Variants in CPA6 observed in about 807,000 individuals in gnomAD.
CPA6 encodes the protein carboxypeptidase A6.
Under a neutral mutation model 63.3 loss-of-function variants are expected in CPA6, and 58 were observed. That is an observed-to-expected ratio of 0.92 (90% confidence interval 0.74 to 1.14). CPA6 has a LOEUF of 1.14. CPA6 is among the 50% of genes most tolerant of loss of function. The pLI, the probability that CPA6 is intolerant of heterozygous loss-of-function variation, is 0.00. For synonymous variants in CPA6, 185 were observed against 179.0 expected (o/e 1.03, Z -0.27); for missense variants, 565 against 526.6 (o/e 1.07, Z -0.71).
intron 6 of CPA6, among the ~76,000 whole-genome samples, chr8:67,503,468 A>ATTTTT (rs869172205): frequency 1.6e-5 from 2 of 126,022 alleles, no homozygotes; most frequent in African/African-American, 6.3e-5. Flanking sequence ...AGCTAATTAA[A>ATTTTT]TTTTTTTTTT....
intron 1 of CPA6, among the ~76,000 whole-genome samples, chr8:67,706,276 G>A (rs1563401198): frequency 6.6e-6 from 1 of 152,190 alleles, no homozygotes; most frequent in African/African-American, 2.4e-5. Context: ...TCCCCAAGCC[G>A]TGCTGGTAAA....
chr8:67,461,800 G>C (rs984192497), intron 8 of CPA6, among the ~76,000 whole-genome samples: 1 of 152,124 alleles, frequency 6.6e-6, no homozygotes, highest in African/African-American at 2.4e-5. Context: ...CGGACGGGGC[G>C]GCTGGCCGGG....
intron 1 of CPA6, among the ~76,000 whole-genome samples, chr8:67,638,907 T>C (rs1815528263): frequency 6.6e-6 from 1 of 151,516 alleles, no homozygotes; most frequent in African/African-American, 2.5e-5. Flanking sequence ...TAGCCTGTGA[T>C]GTGCCCTGCC....
chr8:67,676,726 G>GTGGT (rs1816482296), intron 1 of CPA6, among the ~76,000 whole-genome samples: 1 of 152,176 alleles, frequency 6.6e-6, no homozygotes, highest in Non-Finnish European at 1.5e-5. Flanking sequence ...ATAGTAAAAG[G>GTGGT]AAGAAGTTTA....
intron 9 of CPA6, among the ~76,000 whole-genome samples, chr8:67,428,978 T>C (rs1312721089): frequency 2.6e-5 from 4 of 152,196 alleles, no homozygotes; most frequent in Non-Finnish European, 5.9e-5. Flanking sequence ...TAAGTATATA[T>C]TTCACTGGGT....
chr8:67,461,922 A>G (rs370672587), intron 8 of CPA6, among the ~76,000 whole-genome samples: 1 of 152,130 alleles, frequency 6.6e-6, no homozygotes, highest in Non-Finnish European at 1.5e-5. Context: ...ATTAAGCTGA[A>G]TAACAAAAGC....
chr8:67,628,837 C>T (rs982449970), intron 1 of CPA6, among the ~76,000 whole-genome samples: 39 of 152,188 alleles, frequency 2.6e-4, no homozygotes, highest in African/African-American at 9.2e-4. Context: ...AATCACCAGG[C>T]CGTGTGCAGT....
At chr8:67,548,167 T>A (rs1264853757) in intron 2 of CPA6, among the ~76,000 whole-genome samples, 14 of 123,788 alleles carry the variant, frequency 1.1e-4, no homozygotes, top group South Asian at 6.2e-4. Flanking sequence ...CTTCCTTTCC[T>A]TCCTTCCTTT....
chr8:67,656,891 A>C (rs1014173770), intron 1 of CPA6, among the ~76,000 whole-genome samples: 1 of 152,194 alleles, frequency 6.6e-6, no homozygotes, highest in African/African-American at 2.4e-5. Flanking sequence ...GGATCTAGGC[A>C]AAGTATTTCC....
intron 8 of CPA6, among the ~76,000 whole-genome samples, chr8:67,442,589 C>T (rs1405707815): frequency 6.6e-6 from 1 of 152,144 alleles, no homozygotes; most frequent in African/African-American, 2.4e-5. Flanking sequence ...TAAGGTTCAA[C>T]ATAAAACGTG....
intron 2 of CPA6, among the ~76,000 whole-genome samples, chr8:67,610,061 A>G (rs973173225): frequency 4.7e-5 from 7 of 147,800 alleles, no homozygotes; most frequent in Admixed American, 4.0e-4. Flanking sequence ...AAACAAAACA[A>G]AAACCCCCCA....
At chr8:67,676,805 G>C (rs1816484224) in intron 1 of CPA6, among the ~76,000 whole-genome samples, 1 of 152,122 alleles carries the variant, frequency 6.6e-6, no homozygotes, top group South Asian at 2.1e-4. Flanking sequence ...TGTTTAAAAT[G>C]TATCCAGTAT....
intron 4 of CPA6, among the ~76,000 whole-genome samples, chr8:67,510,363 A>T (rs1055086373): frequency 1.3e-5 from 2 of 152,066 alleles, no homozygotes; most frequent in African/African-American, 4.8e-5. Context: ...GTACCCATAT[A>T]TTCTTTTCTT....
At chr8:67,669,252 C>A (rs1563385576) in intron 1 of CPA6, among the ~76,000 whole-genome samples, 1 of 152,130 alleles carries the variant, frequency 6.6e-6, no homozygotes, top group Non-Finnish European at 1.5e-5. Flanking sequence ...CTTTTATTAC[C>A]AGAGACTGTA....
chr8:67,493,581 A>C (rs1208215079), intron 6 of CPA6, among the ~76,000 whole-genome samples: 1 of 152,200 alleles, frequency 6.6e-6, no homozygotes, highest in Non-Finnish European at 1.5e-5. Flanking sequence ...TACATAGTAC[A>C]TCTGAATCAC....
At chr8:67,721,906 A>C (rs1817508263) in intron 1 of CPA6, among the ~76,000 whole-genome samples, 1 of 152,212 alleles carries the variant, frequency 6.6e-6, no homozygotes, top group Non-Finnish European at 1.5e-5. Context: ...AGAGATGTAA[A>C]TGGACTGTAA....
chr8:67,479,934 C>T (rs1434067937), intron 8 of CPA6, among the ~76,000 whole-genome samples: 2 of 151,436 alleles, frequency 1.3e-5, no homozygotes, highest in East Asian at 1.9e-4. Context: ...GATGATCTAC[C>T]CAAATGATTG....
At chr8:67,630,401 C>T (rs1342220521) in intron 1 of CPA6, among the ~76,000 whole-genome samples, 1 of 152,076 alleles carries the variant, frequency 6.6e-6, no homozygotes, top group Admixed American at 6.5e-5. Flanking sequence ...ATGGGGAGAA[C>T]ATGCCAACTC....
chr8:67,684,326 A>G (rs1430285286), intron 1 of CPA6, among the ~76,000 whole-genome samples: 1 of 152,168 alleles, frequency 6.6e-6, no homozygotes, highest in Non-Finnish European at 1.5e-5. Flanking sequence ...GTAGGAGCTT[A>G]ATAAATATTT....
Sources: allele counts gnomAD v4.1 joint callset (sites outside exome capture counted in the v4.1 genomes callset), GRCh38; gene constraint gnomAD v4.1.1; transcripts MANE v1.5; gene names NCBI Gene and HGNC (gene_info 2026-07-23, HGNC 2026-07-21).